Variants in SMCO3 observed in about 807,000 individuals in gnomAD.
SMCO3 encodes single-pass membrane and coiled-coil domain-containing protein 3.
Under a neutral mutation model 12.0 loss-of-function variants are expected in SMCO3, and 6 were observed. The observed-to-expected ratio is 0.50, with a 90% CI of 0.27 to 0.99. The LOEUF (loss-of-function observed/expected upper bound fraction) is 0.99. Among genes scored for constraint, SMCO3 ranks in the 50% least tolerant of loss-of-function variants. The pLI, the probability that SMCO3 is intolerant of heterozygous loss-of-function variation, is 0.11. For missense variants in SMCO3, 279 were observed against 265.0 expected (o/e 1.05, Z -0.37); for synonymous variants, 96 against 96.4 (o/e 1.00, Z 0.02).
intron 1 of SMCO3, among the ~76,000 whole-genome samples, chr12:14,809,683 T>C (rs1054460380): frequency 2.0e-5 from 3 of 152,048 alleles, no homozygotes; most frequent in Non-Finnish European, 4.4e-5. Flanking sequence ...CAAATATCGG[T>C]ATGGAGTGGG....
At position 14,806,586 on chromosome 12, in the gene SMCO3, C is replaced by T. The variant is rs1392881853; in HGVS notation, c.95G>A (p.Ser32Asn). 1.2e-6 allele frequency: 2 copies of T among 1,614,152 alleles called. No homozygotes were observed. Among genetic ancestry groups the T allele is most frequent in the Admixed American group, 1.7e-5 (1 of 60,030 alleles). ...HQQLLDCLSDSFDVTNKLTEV... is the reference protein window; with the variant it reads ...HQQLLDCLSDNFDVTNKLTEV... Reference sequence around the variant, plus strand: ...AGTCAGCTTATTGGTGACATCGAAGCTGTCAGATAAGCAATCAAGAAGCTG... The same window carrying T: ...AGTCAGCTTATTGGTGACATCGAAGTTGTCAGATAAGCAATCAAGAAGCTG... The change falls in exon 2 of 2, where the codon AGC (serine) becomes AAC (asparagine). Residue 32 changes from serine (S) to asparagine (N), a missense_variant. Physicochemically the swap from Ser to Asn is conservative, Grantham distance 46. Coordinates refer to ENST00000316048, the MANE Select transcript of SMCO3 (RefSeq NM_001013698.2).
intron 1 of SMCO3, among the ~76,000 whole-genome samples, chr12:14,812,166 C>T (rs754371570): frequency 4.6e-5 from 7 of 152,316 alleles, no homozygotes; most frequent in South Asian, 2.1e-4. Flanking sequence ...AATATTTGGC[C>T]GGGCGTGGTG....
In SMCO3 at chr12:14,805,874, C is replaced by T; in HGVS notation, c.*129G>A. 2.1e-6 allele frequency: 2 copies of T among 933,696 alleles called. No individual in the cohort carries two copies. Among genetic ancestry groups the T allele is most frequent in the South Asian group, 3.5e-5 (2 of 57,742 alleles). 57.8% of individuals were successfully genotyped at this position (933,696 alleles called of 1,614,324 possible). A position where few individuals can be genotyped will look rare whatever the true frequency, so the allele number is the denominator to read the frequency against. Reference sequence around the variant, plus strand: ...ATCTAGTCTTGGCATCTCCAGTTTCCCTCTCCAAATTGTTTATCTTATTTA... The same window carrying T: ...ATCTAGTCTTGGCATCTCCAGTTTCTCTCTCCAAATTGTTTATCTTATTTA... On this transcript the variant is annotated 3_prime_UTR_variant, in exon 2 of 2. Transcript: ENST00000316048.
Position 14,805,853 on chromosome 12 carries a change from A to C in SMCO3, c.*150T>G. ...TGACTCAAAACTCATCTAGTCATCT[A>C]GTCTTGGCATCTCCAGTTTCCCTCT... On this transcript the variant is annotated 3_prime_UTR_variant, in exon 2 of 2. Coordinates refer to ENST00000316048, the MANE Select transcript of SMCO3 (RefSeq NM_001013698.2). 1 of 779,752 alleles carries C rather than the reference A, an allele frequency of 1.3e-6. No homozygotes were observed. The highest frequency in any genetic ancestry group is 2.0e-6 in the Non-Finnish European group (1 of 498,046). 48.3% of individuals were successfully genotyped at this position (779,752 alleles called of 1,614,324 possible).
chr12:14,810,846 G>A (rs1950125260), intron 1 of SMCO3, among the ~76,000 whole-genome samples: 1 of 152,130 alleles, frequency 6.6e-6, no homozygotes, highest in African/African-American at 2.4e-5. Flanking sequence ...GACTCCCAAA[G>A]TGATTACTCC....
Position 14,806,711 on chromosome 12 carries a change from G to A in SMCO3, c.-16-15C>T. 2.6e-6 allele frequency: 4 copies of A among 1,543,066 alleles called. No homozygotes were observed. Among genetic ancestry groups the A allele is most frequent in the Non-Finnish European group, 3.5e-6 (4 of 1,148,926 alleles). ...CAATATGATCGCTGAAAAATAAAAT[G>A]GTAAATTTTTACTGAAAGTCTTAAA... is the stretch of plus-strand genomic sequence containing the variant. On this transcript the variant is annotated splice_polypyrimidine_tract_variant and intron_variant, in intron 1 of 1. Transcript: ENST00000316048.
At chr12:14,808,368 A>G (rs1009463641) in intron 1 of SMCO3, among the ~76,000 whole-genome samples, 25 of 151,526 alleles carry the variant, frequency 1.6e-4, no homozygotes, top group Non-Finnish European at 2.9e-5. Flanking sequence ...TGTGGCTGGT[A>G]CTTTTTTTTT....
chr12:14,805,849 A>G lies in SMCO3; in HGVS notation c.*154T>C, dbSNP rs1950039407. ...TTGTTGACTCAAAACTCATCTAGTC[A>G]TCTAGTCTTGGCATCTCCAGTTTCC... On this transcript the variant is annotated 3_prime_UTR_variant, in exon 2 of 2. Coordinates refer to ENST00000316048, the MANE Select transcript of SMCO3 (RefSeq NM_001013698.2). 3.9e-6 allele frequency: 3 copies of G among 771,194 alleles called. No homozygotes were observed. The highest frequency in any genetic ancestry group is 3.8e-5 in the South Asian group (2 of 52,810). The allele number at this position is 771,194 out of a possible 1,614,324, so 47.8% of individuals were successfully genotyped here. A position where few individuals can be genotyped will look rare whatever the true frequency, so the allele number is the denominator to read the frequency against.
chr12:14,812,784 G>A lies in SMCO3; in HGVS notation c.-17+1342C>T, dbSNP rs544911496. Among the ~76,000 whole-genome samples, 271 of 152,058 alleles carry A rather than the reference G, an allele frequency of 1.8e-3. 2 individuals carry two copies. The highest frequency in any genetic ancestry group is 3.4e-3 in the Middle Eastern group (1 of 294). On this transcript the variant is annotated intron_variant, in intron 1 of 1. Transcript: ENST00000316048. ...ACAATTTTTATTTTAGATTCAGGAG[G>A]TACATACACAGGTTTGTTCCCTGAC...
Position 14,806,582 on chromosome 12 carries a change from G to A in SMCO3, c.99C>T (p.Phe33=), listed in dbSNP as rs776014062. Residue 33 remains phenylalanine, a synonymous_variant, in exon 2 of 2, where the codon TTC becomes TTT. Coordinates refer to ENST00000316048, the MANE Select transcript of SMCO3 (RefSeq NM_001013698.2). ...QQLLDCLSDS[F]DVTNKLTEVL... is the part of the protein sequence containing the mutation. ...CCTCAGTCAGCTTATTGGTGACATC[G>A]AAGCTGTCAGATAAGCAATCAAGAA... is the stretch of plus-strand genomic sequence containing the variant. 19 of 1,613,990 alleles carry A rather than the reference G, an allele frequency of 1.2e-5. No homozygotes were observed. The South Asian group carries it at 1.4e-4, about 12-fold the overall frequency.
At chr12:14,811,202 G>T (rs560624971) in intron 1 of SMCO3, among the ~76,000 whole-genome samples, 51 of 152,330 alleles carry the variant, frequency 3.3e-4, no homozygotes, top group African/African-American at 1.1e-3. Flanking sequence ...TTTGTACAGA[G>T]TTTGTGCTAT....
chr12:14,810,494 A>C (rs920415508), intron 1 of SMCO3, among the ~76,000 whole-genome samples: 10 of 152,252 alleles, frequency 6.6e-5, no homozygotes, highest in African/African-American at 2.2e-4. Flanking sequence ...AAGATGAAAA[A>C]GACATGGTCC....
intron 1 of SMCO3, among the ~76,000 whole-genome samples, chr12:14,808,064 A>G (rs1592230764): frequency 6.6e-6 from 1 of 152,192 alleles, no homozygotes; most frequent in African/African-American, 2.4e-5. Flanking sequence ...TACTCTGGAG[A>G]CTGAGGCAGG....
chr12:14,809,322 A>T (rs1950101374), intron 1 of SMCO3, among the ~76,000 whole-genome samples: 1 of 152,152 alleles, frequency 6.6e-6, no homozygotes, highest in African/African-American at 2.4e-5. Flanking sequence ...TCACGAATTA[A>T]TCGTAAAATG....
At chr12:14,812,565 T>C (rs1482402640) in intron 1 of SMCO3, among the ~76,000 whole-genome samples, 1 of 152,242 alleles carries the variant, frequency 6.6e-6, no homozygotes, top group Non-Finnish European at 1.5e-5. Flanking sequence ...CCACAGATTT[T>C]TTTTCCTCCA....
rs113665496 is a variant in SMCO3, at chr12:14,812,483, C to T, written c.-17+1643G>A. On this transcript the variant is annotated intron_variant, in intron 1 of 1. Coordinates refer to ENST00000316048, the MANE Select transcript of SMCO3 (RefSeq NM_001013698.2). Reference sequence around the variant, plus strand: ...TTTTATTGGTTACGTATACTATTCCCTGTCTTTACCCTGGTTCAATAAATC... The same window carrying T: ...TTTTATTGGTTACGTATACTATTCCTTGTCTTTACCCTGGTTCAATAAATC... Among the ~76,000 whole-genome samples the T allele has an allele frequency of 7.3e-3, 1,118 of 152,210 alleles. 17 individuals are homozygous for T. The highest frequency in any genetic ancestry group is 0.026 in the African/African-American group (1,077 of 41,548).
intron 1 of SMCO3, among the ~76,000 whole-genome samples, chr12:14,812,642 G>A (rs1223816311): frequency 6.6e-6 from 1 of 151,836 alleles, no homozygotes; most frequent in Non-Finnish European, 1.5e-5. Flanking sequence ...TAAGTAATGG[G>A]AATTAAATTT....
chr12:14,806,113 C>T lies in SMCO3; in HGVS notation c.568G>A (p.Ala190Thr). The change falls in exon 2 of 2, where the codon GCA (alanine) becomes ACA (threonine). Residue 190 changes from alanine (A) to threonine (T), a missense_variant. By Grantham distance (58) the Ala-to-Thr change is moderately conservative. Transcript: ENST00000316048. ...LGAVEKTQLQAAIKSYEKHLV... is the reference protein window; with the variant it reads ...LGAVEKTQLQTAIKSYEKHLV... ...TGCTTCTCATAACTTTTGATGGCTG[C>T]TTGAAGCTGTGTTTTTTCCACTGCT... The T allele has an allele frequency of 6.2e-6, 10 of 1,614,136 alleles. No homozygotes were observed. Among genetic ancestry groups the T allele is most frequent in the Non-Finnish European group, 8.5e-6 (10 of 1,180,024 alleles).
chr12:14,806,239 A>G lies in SMCO3; in HGVS notation c.442T>C (p.Leu148=). The G allele has an allele frequency of 2.5e-6, 4 of 1,614,146 alleles. No homozygotes were observed. Among genetic ancestry groups the G allele is most frequent in the Non-Finnish European group, 3.4e-6 (4 of 1,180,020 alleles). The change falls in exon 2 of 2, where the codon TTG becomes CTG. Residue 148 remains leucine, a synonymous_variant. Coordinates refer to ENST00000316048, the MANE Select transcript of SMCO3 (RefSeq NM_001013698.2). ...SNVTTGIINK[L]VTVLAQIGAS... Reference sequence around the variant, plus strand: ...CCAATTTGAGCTAACACAGTGACCAACTTGTTAATTATGCCAGTTGTGACA... The same window carrying G: ...CCAATTTGAGCTAACACAGTGACCAGCTTGTTAATTATGCCAGTTGTGACA...
Sources: allele counts gnomAD v4.1 joint callset (sites outside exome capture counted in the v4.1 genomes callset), GRCh38; gene constraint gnomAD v4.1.1; transcripts MANE v1.5; gene names NCBI Gene and HGNC (gene_info 2026-07-23, HGNC 2026-07-21).